The following GPC5 variants were observed in gnomAD, a reference collection of about 807,000 sequenced individuals.
The protein encoded by GPC5 is glypican-5.
GPC5 carries 47 observed loss-of-function variants against 53.9 expected under a neutral mutation model. The observed-to-expected ratio is 0.87, with a 90% CI of 0.69 to 1.11. GPC5 has a LOEUF of 1.11. Among genes scored for constraint, GPC5 ranks in the 50% most tolerant of loss-of-function variants. GPC5 has a pLI of 0.00. For synonymous variants in GPC5, 286 were observed against 263.3 expected (o/e 1.09, Z -0.84); for missense variants, 748 against 713.1 (o/e 1.05, Z -0.56).
chr13:92,473,154 G>C (rs909566439), intron 7 of GPC5, among the ~76,000 whole-genome samples: 1 of 151,952 alleles, frequency 6.6e-6, no homozygotes, highest in South Asian at 2.1e-4. Flanking sequence ...TTCATCCATC[G>C]TCTAGATCTT....
At chr13:91,458,007 A>G (rs1402870506) in intron 2 of GPC5, among the ~76,000 whole-genome samples, 1 of 152,186 alleles carries the variant, frequency 6.6e-6, no homozygotes, top group Non-Finnish European at 1.5e-5. Context: ...GTTAGGATGT[A>G]TTAAATGTTT....
At chr13:91,561,806 A>C (rs2031277180) in intron 2 of GPC5, among the ~76,000 whole-genome samples, 1 of 152,156 alleles carries the variant, frequency 6.6e-6, no homozygotes, top group African/African-American at 2.4e-5. Flanking sequence ...TAGTGCTGGC[A>C]GGTTTTCCAG....
At chr13:91,632,138 A>C (rs1224806294) in intron 2 of GPC5, among the ~76,000 whole-genome samples, 1 of 152,186 alleles carries the variant, frequency 6.6e-6, no homozygotes, top group East Asian at 1.9e-4. Flanking sequence ...AGATCGTAGT[A>C]GGTCCCTTGA....
intron 5 of GPC5, among the ~76,000 whole-genome samples, chr13:91,764,837 G>T (rs556592562): frequency 6.6e-6 from 1 of 152,310 alleles, no homozygotes; most frequent in East Asian, 1.9e-4. Context: ...AGTGAGAGAA[G>T]AAATCATTCT....
At chr13:91,630,570 G>T (rs922599691) in intron 2 of GPC5, among the ~76,000 whole-genome samples, 1 of 152,276 alleles carries the variant, frequency 6.6e-6, no homozygotes, top group Non-Finnish European at 1.5e-5. Flanking sequence ...GGGAGATTCA[G>T]CCCAGTTAAC....
chr13:91,470,970 A>C (rs1484638420), intron 2 of GPC5, among the ~76,000 whole-genome samples: 2 of 152,140 alleles, frequency 1.3e-5, no homozygotes, highest in Non-Finnish European at 2.9e-5. Flanking sequence ...GAAGTCTGAC[A>C]ATCCAATTTT....
At chr13:92,374,116 A>G (rs769640086) in intron 7 of GPC5, among the ~76,000 whole-genome samples, 4 of 152,192 alleles carry the variant, frequency 2.6e-5, no homozygotes, top group Non-Finnish European at 5.9e-5. Context: ...AACTTGATAA[A>G]TTCTTCCTTT....
intron 7 of GPC5, among the ~76,000 whole-genome samples, chr13:92,426,543 A>T (rs1441032370): frequency 1.3e-5 from 2 of 152,116 alleles, no homozygotes. Context: ...AAGACTTATG[A>T]TGCAAAATTA....
At chr13:92,068,149 T>G (rs2041181547) in intron 6 of GPC5, among the ~76,000 whole-genome samples, 1 of 151,992 alleles carries the variant, frequency 6.6e-6, no homozygotes, top group African/African-American at 2.4e-5. Flanking sequence ...CATTATCACA[T>G]GTAGATTGAA....
At chr13:91,777,743 C>T (rs1203800682) in intron 5 of GPC5, among the ~76,000 whole-genome samples, 2 of 151,618 alleles carry the variant, frequency 1.3e-5, no homozygotes, top group Admixed American at 1.3e-4. Context: ...TTCATTTAAT[C>T]CCTGAACCTA....
chr13:92,778,486 G>C (rs1875901247), intron 7 of GPC5, among the ~76,000 whole-genome samples: 1 of 152,124 alleles, frequency 6.6e-6, no homozygotes, highest in African/African-American at 2.4e-5. Flanking sequence ...TGGCTGGCCT[G>C]AATTATGGAC....
intron 7 of GPC5, among the ~76,000 whole-genome samples, chr13:92,343,200 C>G (rs887629637): frequency 5.9e-5 from 9 of 152,160 alleles, no homozygotes; most frequent in Non-Finnish European, 1.2e-4. Flanking sequence ...TGTTGCCACA[C>G]CACTTAGACA....
intron 7 of GPC5, among the ~76,000 whole-genome samples, chr13:92,817,994 T>A (rs1594527129): frequency 6.6e-6 from 1 of 150,942 alleles, no homozygotes; most frequent in East Asian, 2.0e-4. Context: ...TGGATGGACA[T>A]CTTGCCTAAA....
rs574149282 is a variant in GPC5, at chr13:91,827,287, T to A, written c.1280+70867T>A. 4.6e-5 allele frequency among the ~76,000 whole-genome samples: 7 copies of A among 152,060 alleles called. No individual in the cohort carries two copies. The South Asian group carries it at 1.5e-3, about 32-fold the overall frequency. ...GAATACAAAAATATATCTTCTTGAC[T>A]TATAGCACAATAAAGAATAACCAAA... On this transcript the variant is annotated intron_variant, in intron 5 of 7. Transcript: ENST00000377067.
At chr13:91,456,213 A>C (rs1881537818) in intron 2 of GPC5, among the ~76,000 whole-genome samples, 1 of 152,242 alleles carries the variant, frequency 6.6e-6, no homozygotes, top group East Asian at 1.9e-4. Flanking sequence ...TGTCTGTTAG[A>C]TATTTTGGGA....
intron 6 of GPC5, among the ~76,000 whole-genome samples, chr13:92,017,724 C>T (rs887463285): frequency 1.3e-5 from 2 of 152,084 alleles, no homozygotes; most frequent in Non-Finnish European, 2.9e-5. Context: ...CAAGTACACA[C>T]ACACATGCAC....
intron 7 of GPC5, among the ~76,000 whole-genome samples, chr13:92,337,713 T>G (rs1434510177): frequency 1.3e-5 from 2 of 152,142 alleles, no homozygotes; most frequent in Admixed American, 6.6e-5. Context: ...TGCAAAATAG[T>G]CTTTTCAAGA....
chr13:92,415,509 T>G, intron 7 of GPC5, among the ~76,000 whole-genome samples: 1 of 152,148 alleles, frequency 6.6e-6, no homozygotes, highest in South Asian at 2.1e-4. Context: ...AATTCACTCT[T>G]GACTGAGAAT....
chr13:91,818,279 A>G (rs955975010), intron 5 of GPC5, among the ~76,000 whole-genome samples: 1 of 152,194 alleles, frequency 6.6e-6, no homozygotes, highest in Admixed American at 6.5e-5. Flanking sequence ...CTTGTATATC[A>G]CAACTGCTAG....
Sources: allele counts gnomAD v4.1 joint callset (sites outside exome capture counted in the v4.1 genomes callset), GRCh38; gene constraint gnomAD v4.1.1; transcripts MANE v1.5; gene names NCBI Gene and HGNC (gene_info 2026-07-23, HGNC 2026-07-21).